The following ABCD2 variants were observed in gnomAD, a reference collection of about 807,000 sequenced individuals.
ABCD2 encodes the protein ATP binding cassette subfamily D member 2, also known as ATP-binding cassette sub-family D member 2.
In ABCD2, 36 loss-of-function variants were observed where a neutral mutation model predicts 70.9. The ratio of observed to expected loss-of-function variants is 0.51; its 90% CI spans 0.39 to 0.67. The LOEUF is 0.67. Ranked by LOEUF, ABCD2 falls within the 30% of genes least tolerant of loss-of-function variation. ABCD2 has a pLI of 0.00. For missense variants in ABCD2, 729 were observed against 890.2 expected (o/e 0.82, Z 2.30); for synonymous variants, 304 against 306.9 (o/e 0.99, Z 0.10).
In ABCD2 at chr12:39,619,073, G is replaced by T; in HGVS notation, c.543C>A (p.Asp181Glu). 1 of 1,614,158 alleles carries T rather than the reference G, an allele frequency of 6.2e-7. No homozygotes were observed. The change falls in exon 1 of 10, where the codon GAC becomes GAA. Residue 181 changes from aspartate (D) to glutamate (E), a missense_variant. This residue lies in a region of ABCD2 where 245 missense variants were observed against 261.2 expected (regional missense o/e 0.94). Coordinates refer to ENST00000308666, the MANE Select transcript of ABCD2 (RefSeq NM_005164.4). Reference sequence around the variant, plus strand: ...TTGTAAAATAGGTTTCATAGGCGTGGTCTACTAGGCGAGTTCTGAAGGCCA... The same window carrying T: ...TTGTAAAATAGGTTTCATAGGCGTGTTCTACTAGGCGAGTTCTGAAGGCCA... ...LALAFRTRLV[D>E]HAYETYFTNQ...
intron 9 of ABCD2, among the ~76,000 whole-genome samples, chr12:39,568,886 G>A (rs1191621880): frequency 6.6e-6 from 1 of 152,188 alleles, no homozygotes; most frequent in Admixed American, 6.5e-5. Context: ...GTTTGCTAGA[G>A]GTCCACTCCA....
Position 39,619,379 on chromosome 12 carries a change from T to A in ABCD2, c.237A>T (p.Gly79=). The change falls in exon 1 of 10, where the codon GGA becomes GGT. Residue 79 remains glycine, a synonymous_variant. Coordinates refer to ENST00000308666, the MANE Select transcript of ABCD2 (RefSeq NM_005164.4). The part of the protein sequence containing the change: ...TETICEKPSP[G]VNADFFKQLL... The stretch of plus-strand genomic sequence containing the variant: ...GCTGTTTGAAGAAATCTGCATTCAC[T>A]CCAGGCGAAGGTTTTTCACAAATGG... The A allele has an allele frequency of 6.2e-7, 1 of 1,613,992 alleles. No homozygotes were observed. The highest frequency in any genetic ancestry group is 8.5e-7 in the Non-Finnish European group (1 of 1,179,980).
At chr12:39,576,917 C>T (rs1032562808) in intron 8 of ABCD2, among the ~76,000 whole-genome samples, 6 of 151,990 alleles carry the variant, frequency 3.9e-5, no homozygotes, top group African/African-American at 1.4e-4. Flanking sequence ...AGTACAATAA[C>T]AATAAGCCCT....
intron 9 of ABCD2, among the ~76,000 whole-genome samples, chr12:39,566,545 G>A (rs552890731): frequency 2.4e-4 from 36 of 151,938 alleles, no homozygotes; most frequent in East Asian, 2.3e-3. Context: ...TCTTGCTAGC[G>A]GTCTATCGAT....
chr12:39,612,573 T>C (rs1249547939), intron 2 of ABCD2, among the ~76,000 whole-genome samples: 1 of 152,230 alleles, frequency 6.6e-6, no homozygotes, highest in African/African-American at 2.4e-5. Context: ...CATTAACTGG[T>C]ACACTAATGA....
At chr12:39,537,872 A>G in the ABCD2 span, among the ~76,000 whole-genome samples, 2 of 152,212 alleles carry the variant, frequency 1.3e-5, no homozygotes, top group African/African-American at 4.8e-5. Context: ...TCTGTGGGAT[A>G]AAAAAATTCC....
intron 6 of ABCD2, among the ~76,000 whole-genome samples, chr12:39,593,037 C>T (rs1388464816): frequency 6.6e-6 from 1 of 152,068 alleles, no homozygotes; most frequent in East Asian, 1.9e-4. Context: ...CCTTTCTGTC[C>T]TCCATAGAGA....
At chr12:39,533,139 T>G in the ABCD2 span, among the ~76,000 whole-genome samples, 2 of 151,848 alleles carry the variant, frequency 1.3e-5, no homozygotes, top group South Asian at 4.2e-4. Context: ...CACTCCAGCC[T>G]GGGTGACAAG....
intron 8 of ABCD2, among the ~76,000 whole-genome samples, chr12:39,574,210 T>TGCA (rs1444373837): frequency 6.6e-6 from 1 of 152,108 alleles, no homozygotes; most frequent in Non-Finnish European, 1.5e-5. Flanking sequence ...AAAAATACAT[T>TGCA]GCAGTAGCTA....
At chr12:39,582,052 A>G (rs974228123) in intron 7 of ABCD2, among the ~76,000 whole-genome samples, 2 of 152,236 alleles carry the variant, frequency 1.3e-5, no homozygotes, top group South Asian at 2.1e-4. Flanking sequence ...ACAGAACTTC[A>G]GTAGGCTTCT....
the ABCD2 span, among the ~76,000 whole-genome samples, chr12:39,537,719 T>C: frequency 7.2e-5 from 11 of 152,338 alleles, no homozygotes; most frequent in African/African-American, 2.2e-4. Flanking sequence ...AAGTCCAGTC[T>C]TTAAATGCAT....
chr12:39,572,643 T>C (rs1010795453), intron 9 of ABCD2, among the ~76,000 whole-genome samples: 1 of 152,182 alleles, frequency 6.6e-6, no homozygotes, highest in Non-Finnish European at 1.5e-5. Flanking sequence ...AATGTAAACA[T>C]TCTTTATAAG....
chr12:39,600,183 A>C (rs1200757487), intron 6 of ABCD2, among the ~76,000 whole-genome samples: 1 of 152,000 alleles, frequency 6.6e-6, no homozygotes, highest in African/African-American at 2.4e-5. Context: ...CAATTTTAGA[A>C]TATATGAATG....
chr12:39,572,660 G>A (rs1591976334), intron 9 of ABCD2, among the ~76,000 whole-genome samples: 1 of 152,244 alleles, frequency 6.6e-6, no homozygotes, highest in African/African-American at 2.4e-5. Flanking sequence ...TAAGGTCAAA[G>A]GTCTAGAAGG....
chr12:39,589,259 T>C (rs1941709484), intron 6 of ABCD2, among the ~76,000 whole-genome samples: 1 of 152,120 alleles, frequency 6.6e-6, no homozygotes, highest in Non-Finnish European at 1.5e-5. Flanking sequence ...AGCACAAGCT[T>C]ATTTTATAAT....
chr12:39,600,196 T>C (rs1941877458), intron 6 of ABCD2, among the ~76,000 whole-genome samples: 1 of 152,192 alleles, frequency 6.6e-6, no homozygotes, highest in African/African-American at 2.4e-5. Flanking sequence ...TATGAATGTA[T>C]GCAGCTTGAT....
rs1941665236 is a variant in ABCD2 at position 39,586,260 on chromosome 12, T to G, written c.1684A>C (p.Ile562Leu). 6.2e-7 allele frequency: 1 copy of G among 1,613,478 alleles called. No homozygotes were observed. Among genetic ancestry groups the G allele is most frequent in the Non-Finnish European group, 8.5e-7 (1 of 1,179,654 alleles). The change falls in exon 7 of 10, where the codon ATT (isoleucine) becomes CTT (leucine). Residue 562 changes from isoleucine to leucine, a missense_variant. By Grantham distance (5) the Ile-to-Leu change is conservative (BLOSUM62 2). Coordinates refer to ENST00000308666, the MANE Select transcript of ABCD2 (RefSeq NM_005164.4). ...MSLGSLRDQV[I>L]YPDSVDDMHD... ...ATATCATCCACTGAATCAGGGTAAA[T>G]GACTTGATCCCGAAGACTTCCAAGA...
intron 6 of ABCD2, among the ~76,000 whole-genome samples, chr12:39,591,741 T>C (rs1347291674): frequency 1.3e-5 from 2 of 152,040 alleles, no homozygotes; most frequent in Non-Finnish European, 2.9e-5. Context: ...ATATTATTAG[T>C]GGAAGAATTA....
intron 9 of ABCD2, among the ~76,000 whole-genome samples, chr12:39,559,045 A>C (rs1286787144): frequency 1.3e-5 from 2 of 152,208 alleles, no homozygotes; most frequent in Non-Finnish European, 2.9e-5. Context: ...AAAGGAATGA[A>C]GAAAGCTTAT....
Sources: allele counts gnomAD v4.1 joint callset (sites outside exome capture counted in the v4.1 genomes callset), GRCh38; gene constraint gnomAD v4.1.1; regional missense constraint gnomAD v4.1.1; transcripts MANE v1.5; gene names NCBI Gene and HGNC (gene_info 2026-07-23, HGNC 2026-07-21).